MTO1: variants seen among roughly 807,000 people sequenced by gnomAD.
MTO1 encodes 5-taurinomethyluridine-[tRNA] synthase subunit MTO1, mitochondrial.
In MTO1, 46 loss-of-function variants were observed where a neutral mutation model predicts 71.6. The observed-to-expected ratio is 0.64, with a 90% CI of 0.51 to 0.82. The LOEUF is 0.82. MTO1 is among the 40% of genes least tolerant of loss of function. The pLI is 0.00. For missense variants in MTO1, 773 were observed against 867.5 expected (o/e 0.89, Z 1.37); for synonymous variants, 297 against 312.1 (o/e 0.95, Z 0.51).
At position 73,504,471 on chromosome 6, in the gene MTO1, T is replaced by C. The variant is rs930143341; in HGVS notation, c.*3736T>C. On this transcript the variant is annotated 3_prime_UTR_variant, in exon 12 of 12. Coordinates refer to ENST00000498286, the MANE Select transcript of MTO1 (RefSeq NM_012123.4). ...AATATCTGTCTACCTTAAGAAGATA[T>C]AAGCCTTGTAAATATAAGCAATATC... 3 of 152,220 alleles carry C rather than the reference T, an allele frequency of 2.0e-5. No individual in the cohort carries two copies. Among genetic ancestry groups the C allele is most frequent in the African/African-American group, 7.2e-5 (3 of 41,458 alleles). The allele number at this position is 152,220 out of a possible 1,614,324, so 9.4% of individuals were successfully genotyped here. A position where few individuals can be genotyped will look rare whatever the true frequency, so the allele number is the denominator to read the frequency against.
chr6:73,490,576 C>T (rs1771777257), intron 9 of MTO1, among the ~76,000 whole-genome samples: 1 of 151,928 alleles, frequency 6.6e-6, no homozygotes, highest in Non-Finnish European at 1.5e-5. Flanking sequence ...TGTGCCAGTA[C>T]CATGCTGTTT....
chr6:73,486,117 G>A (rs950602899), intron 9 of MTO1, among the ~76,000 whole-genome samples: 2 of 152,154 alleles, frequency 1.3e-5, no homozygotes, highest in African/African-American at 2.4e-5. Context: ...GTTTGGAGTT[G>A]AGAATAGCTC....
intron 9 of MTO1, among the ~76,000 whole-genome samples, chr6:73,491,300 A>G (rs1203563937): frequency 6.6e-6 from 1 of 151,242 alleles, no homozygotes; most frequent in African/African-American, 2.4e-5. Flanking sequence ...ATATTTATGA[A>G]CCAGCCGGGC....
At chr6:73,490,792 G>A (rs1582695277) in intron 9 of MTO1, among the ~76,000 whole-genome samples, 1 of 151,660 alleles carries the variant, frequency 6.6e-6, no homozygotes, top group Non-Finnish European at 1.5e-5. Context: ...TGTAAATGAA[G>A]TAAGTAATAA....
In MTO1 at chr6:73,492,241, G is replaced by T; in HGVS notation, c.1645G>T (p.Asp549Tyr). ...TSRSLPVRAL[D>Y]VLKYEEVDMD... ...ACTTTCATATATTTGCAGAGCTCTC[G>T]ATGTTCTGAAGTATGAGGAAGTTGA... is the stretch of plus-strand genomic sequence containing the variant. Residue 549 changes from aspartate (D) to tyrosine (Y), a missense_variant, in exon 10 of 12, where the codon GAT becomes TAT. Asp to Tyr is a radical substitution (Grantham distance 160, BLOSUM62 -3). Coordinates refer to ENST00000498286, the MANE Select transcript of MTO1 (RefSeq NM_012123.4). 4 of 1,608,774 alleles carry T rather than the reference G, an allele frequency of 2.5e-6. No individual in the cohort carries two copies. The highest frequency in any genetic ancestry group is 1.1e-5 in the South Asian group (1 of 90,928).
At chr6:73,468,911 T>C (rs1244350605) in intron 3 of MTO1, among the ~76,000 whole-genome samples, 1 of 152,072 alleles carries the variant, frequency 6.6e-6, no homozygotes, top group East Asian at 1.9e-4. Context: ...CCTGGCCTTC[T>C]CCAGATTTTT....
At position 73,509,065 on chromosome 6, in the gene MTO1, T is replaced by C. The variant is rs1485326116; in HGVS notation, c.*8330T>C. On this transcript the variant is annotated 3_prime_UTR_variant, in exon 12 of 12. Transcript: ENST00000498286. ...AAATTGCTTACATGGTAACTTGGTT[T>C]ATCCCAACACCAACTAGGATATTCC... 1 of 152,234 alleles carries C rather than the reference T, an allele frequency of 6.6e-6. No individual in the cohort carries two copies. Among genetic ancestry groups the C allele is most frequent in the African/African-American group, 2.4e-5 (1 of 41,464 alleles). 9.4% of individuals were successfully genotyped at this position (152,234 alleles called of 1,614,324 possible). A position where few individuals can be genotyped will look rare whatever the true frequency, so the allele number is the denominator to read the frequency against.
At chr6:73,493,011 T>TGAG (rs1229989806) in intron 10 of MTO1, among the ~76,000 whole-genome samples, 1 of 127,372 alleles carries the variant, frequency 7.9e-6, no homozygotes, top group Non-Finnish European at 1.7e-5. Flanking sequence ...TTTTTTTTTT[T>TGAG]GAGGAGGAGT....
chr6:73,508,579 A>C lies in MTO1; in HGVS notation c.*7844A>C, dbSNP rs1347287810. On this transcript the variant is annotated 3_prime_UTR_variant, in exon 12 of 12. Transcript: ENST00000498286. ...TCCAGTTTCACAAGAAACAACCTCA[A>C]GGAGGGCAGTTTAACTGAAAATTCA... The C allele has an allele frequency of 6.6e-6, 1 of 152,196 alleles. No individual in the cohort carries two copies. Among genetic ancestry groups the C allele is most frequent in the Non-Finnish European group, 1.5e-5 (1 of 68,034 alleles). The allele number at this position is 152,196 out of a possible 1,614,324, so 9.4% of individuals were successfully genotyped here.
chr6:73,462,684 C>G (rs1057217722), intron 1 of MTO1, among the ~76,000 whole-genome samples: 1 of 152,152 alleles, frequency 6.6e-6, no homozygotes, highest in Non-Finnish European at 1.5e-5. Context: ...GCCGAGATTG[C>G]GCCACTTCAC....
chr6:73,466,638 C>T, intron 3 of MTO1, 32 bp downstream of exon 3: 1 of 1,548,270 alleles, frequency 6.5e-7, no homozygotes, highest in Non-Finnish European at 8.9e-7. Flanking sequence ...TGTATGATAA[C>T]AGCATATCAA....
In MTO1 at chr6:73,507,736, G is replaced by A. The variant is rs1006785928; in HGVS notation, c.*7001G>A. ...CTCACGCCTGTAATCCCAACACTTTGGGAGGCCAAGGCGGGCGGATCACGA... is the reference window on the plus strand; with the variant it reads ...CTCACGCCTGTAATCCCAACACTTTAGGAGGCCAAGGCGGGCGGATCACGA... On this transcript the variant is annotated 3_prime_UTR_variant, in exon 12 of 12. Transcript: ENST00000498286. 1 of 152,272 alleles carries A rather than the reference G, an allele frequency of 6.6e-6. No homozygotes were observed. The highest frequency in any genetic ancestry group is 1.5e-5 in the Non-Finnish European group (1 of 68,134). 9.4% of individuals were successfully genotyped at this position (152,272 alleles called of 1,614,324 possible). A position where few individuals can be genotyped will look rare whatever the true frequency, so the allele number is the denominator to read the frequency against.
intron 4 of MTO1, among the ~76,000 whole-genome samples, chr6:73,474,098 C>CT (rs60499845): frequency 0.019 from 2,795 of 144,314 alleles, 70 homozygotes; most frequent in African/African-American, 0.06. Context: ...AGAAGTTATC[C>CT]TTTTTTTTTT....
At chr6:73,479,419 C>T (rs1295911266) in intron 4 of MTO1, among the ~76,000 whole-genome samples, 1 of 152,024 alleles carries the variant, frequency 6.6e-6, no homozygotes, top group Non-Finnish European at 1.5e-5. Flanking sequence ...CGCTTGAACC[C>T]GGGACACAGA....
At chr6:73,480,968 GGTTTTT>G in intron 7 of MTO1, 163 bp downstream of exon 7, 3 of 436,714 alleles carry the variant, frequency 6.9e-6, no homozygotes, top group East Asian at 5.1e-5. Context: ...TAGATAATAG[GGTTTTT>G]TTTTTTTTTT....
chr6:73,463,431 G>A (rs1429287261), intron 1 of MTO1, among the ~76,000 whole-genome samples: 2 of 152,114 alleles, frequency 1.3e-5, no homozygotes, highest in African/African-American at 4.8e-5. Context: ...GGTAATGGTT[G>A]GATGGCCGTT....
At chr6:73,498,207 T>C (rs1223028302) in intron 11 of MTO1, among the ~76,000 whole-genome samples, 4 of 151,550 alleles carry the variant, frequency 2.6e-5, no homozygotes, top group Non-Finnish European at 5.9e-5. Flanking sequence ...TGAGACCCTG[T>C]CTCAAAAAAA....
chr6:73,481,951 C>T (rs1325637985), intron 7 of MTO1, 89 bp from the exon 8 acceptor site: 2 of 1,402,006 alleles, frequency 1.4e-6, no homozygotes, highest in African/African-American at 1.4e-5. Context: ...TCTTCCTGTC[C>T]CATGCCATTG....
chr6:73,461,825 C>T lies in MTO1; in HGVS notation c.-30C>T, dbSNP rs748835731. ...TTTTTTTGACCGTCACTCGTGTCAGCTTCAAAGTCAGATAGATTTTTCTCC... is the reference window on the plus strand; with the variant it reads ...TTTTTTTGACCGTCACTCGTGTCAGTTTCAAAGTCAGATAGATTTTTCTCC... On this transcript the variant is annotated 5_prime_UTR_variant, in exon 1 of 12. Coordinates refer to ENST00000498286, the MANE Select transcript of MTO1 (RefSeq NM_012123.4). 6.2e-7 allele frequency: 1 copy of T among 1,601,792 alleles called. No homozygotes were observed. The highest frequency in any genetic ancestry group is 1.3e-5 in the African/African-American group (1 of 74,712).
Sources: gnomAD v4.1 joint callset for allele counts (sites outside exome capture counted in the v4.1 genomes callset) on GRCh38, gnomAD v4.1.1 for gene constraint, MANE v1.5 for transcripts, NCBI Gene and HGNC (gene_info 2026-07-23, HGNC 2026-07-21) for gene names.